The following SLCO3A1 variants were observed in gnomAD, a reference collection of about 807,000 sequenced individuals.
SLCO3A1 encodes PGE1 transporter.
SLCO3A1 carries 27 observed loss-of-function variants against 63.1 expected under a neutral mutation model. The observed-to-expected ratio is 0.43, with a 90% CI of 0.32 to 0.59. The LOEUF (loss-of-function observed/expected upper bound fraction) is 0.59, where lower values mean the gene tolerates loss of function less well. Ranked by LOEUF, SLCO3A1 falls within the 20% of genes least tolerant of loss-of-function variation. The pLI, the probability that SLCO3A1 is intolerant of heterozygous loss-of-function variation, is 0.09. For synonymous variants in SLCO3A1, 473 were observed against 409.9 expected, an observed-to-expected ratio of 1.15 and a Z score of -1.86; for missense variants, 773 against 945.8, an observed-to-expected ratio of 0.82 and a Z score of 2.40.
chr15:92,078,795 T>C (rs1670209054), intron 2 of SLCO3A1, among the ~76,000 whole-genome samples: 1 of 152,190 alleles, frequency 6.6e-6, no homozygotes, highest in African/African-American at 2.4e-5. Context: ...GACGATTAAA[T>C]GAGGTAGTAC....
chr15:91,901,902 C>A (rs921758416), intron 1 of SLCO3A1, among the ~76,000 whole-genome samples: 2 of 114,574 alleles, frequency 1.7e-5, no homozygotes, highest in African/African-American at 6.7e-5. Flanking sequence ...ATTATTTCTT[C>A]AATTTTTTTT....
chr15:91,854,086 C>A lies in SLCO3A1; in HGVS notation c.178C>A (p.Leu60Met). The change falls in exon 1 of 10, where the codon CTG becomes ATG. Residue 60 changes from leucine to methionine, a missense_variant and splice_region_variant. Around this residue, in one of 3 missense-constraint regions of SLCO3A1, gnomAD observed 565 missense variants for 749.8 expected, o/e 0.75. Transcript: ENST00000318445. The surrounding 1 kb of genome is among the most constrained non-coding windows in gnomAD (Gnocchi z 6.4). ...MLAQGTVGAY[L>M]VSVLTTLERR... ...GGCGCAGGGCACGGTGGGCGCCTAC[C>A]TGGTGAGTCCCCGAGCCAACTCCGC... 1 of 1,517,808 alleles carries A rather than the reference C, an allele frequency of 6.6e-7. No individual in the cohort carries two copies. The highest frequency in any genetic ancestry group is 8.9e-7 in the Non-Finnish European group (1 of 1,129,292). 94.0% of individuals were successfully genotyped at this position (1,517,808 alleles called of 1,614,324 possible). A position where few individuals can be genotyped will look rare whatever the true frequency, so the allele number is the denominator to read the frequency against.
intron 2 of SLCO3A1, among the ~76,000 whole-genome samples, chr15:92,019,252 G>A (rs1031921454): frequency 2.0e-5 from 3 of 152,124 alleles, no homozygotes; most frequent in African/African-American, 7.2e-5. Flanking sequence ...TACCAGCTCT[G>A]TGACCCTGGG....
intron 4 of SLCO3A1, among the ~76,000 whole-genome samples, chr15:92,112,068 AG>A (rs1167024920): frequency 6.6e-6 from 1 of 152,214 alleles, no homozygotes; most frequent in Admixed American, 6.5e-5. Context: ...GGATGAACTG[AG>A]GACCAGAGAG....
chr15:91,933,581 G>A (rs1356032586), intron 2 of SLCO3A1, among the ~76,000 whole-genome samples: 1 of 152,188 alleles, frequency 6.6e-6, no homozygotes, highest in Non-Finnish European at 1.5e-5. Context: ...ATAACAAGCA[G>A]TACATAGAGA....
intron 1 of SLCO3A1, among the ~76,000 whole-genome samples, chr15:91,879,375 G>A (rs561197331): frequency 6.6e-6 from 1 of 151,542 alleles, no homozygotes; most frequent in Admixed American, 6.6e-5. Context: ...AAACAGTGAT[G>A]TCATTGGTGG....
Position 92,094,947 on chromosome 15 carries a change from A to G in SLCO3A1, c.713A>G (p.Lys238Arg). 2 of 1,613,320 alleles carry G rather than the reference A, an allele frequency of 1.2e-6. No individual in the cohort carries two copies. The highest frequency in any genetic ancestry group is 1.7e-6 in the Non-Finnish European group (2 of 1,179,236). The change falls in exon 3 of 10, where the codon AAA (lysine) becomes AGA (arginine). Residue 238 changes from lysine (K) to arginine (R), a missense_variant. By Grantham distance (26) the Lys-to-Arg change is conservative. Coordinates refer to ENST00000318445, the MANE Select transcript of SLCO3A1 (RefSeq NM_013272.4). Reference sequence around the variant, plus strand: ...TTTATCCTGGGCTCTTTCTGTACCAAAATCTACGTGGATGCGGTCTTCATT... The same window carrying G: ...TTTATCCTGGGCTCTTTCTGTACCAGAATCTACGTGGATGCGGTCTTCATT... ...CGFILGSFCT[K>R]IYVDAVFIDT... is the part of the protein sequence containing the mutation.
intron 1 of SLCO3A1, chr15:91,889,154 T>C (rs780648278): frequency 1.8e-5 from 23 of 1,285,386 alleles, no homozygotes; most frequent in Non-Finnish European, 2.2e-5. Context: ...TAAACTCTTA[T>C]TGTTCCTTGA....
intron 9 of SLCO3A1, chr15:92,153,501 C>T (rs986191036): frequency 6.6e-6 from 1 of 152,158 alleles, no homozygotes; most frequent in Admixed American, 6.5e-5. Context: ...TTGCAGGACC[C>T]AGTAAGATTA....
intron 2 of SLCO3A1, among the ~76,000 whole-genome samples, chr15:92,090,594 G>C (rs1015794456): frequency 1.1e-4 from 17 of 152,160 alleles, no homozygotes; most frequent in Admixed American, 2.6e-4. Flanking sequence ...CAGTCAGTCT[G>C]GATGCTGATG....
Position 92,163,090 on chromosome 15 carries a change from C to T in SLCO3A1, c.2088C>T (p.Asn696=). 1 of 1,540,922 alleles carries T rather than the reference C, an allele frequency of 6.5e-7. No individual in the cohort carries two copies. Among genetic ancestry groups the T allele is most frequent in the Non-Finnish European group, 8.7e-7 (1 of 1,145,904 alleles). The change falls in exon 10 of 10, where the codon AAC becomes AAT. Residue 696 remains asparagine (N), a synonymous_variant. Coordinates refer to ENST00000318445, the MANE Select transcript of SLCO3A1 (RefSeq NM_013272.4). ...CACATAGGACAAAGTTTATCTATAA[C>T]CTGGAAGACCATGAGTGGTGTGAAA... ...NQTHRTKFIY[N]LEDHEWCENM...
At chr15:92,086,723 C>A (rs2047408971) in intron 2 of SLCO3A1, among the ~76,000 whole-genome samples, 1 of 152,092 alleles carries the variant, frequency 6.6e-6, no homozygotes, top group African/African-American at 2.4e-5. Flanking sequence ...TGCCTGTAAT[C>A]CTAGCACTTT....
At chr15:92,083,662 A>T (rs1176770586) in intron 2 of SLCO3A1, among the ~76,000 whole-genome samples, 1 of 152,218 alleles carries the variant, frequency 6.6e-6, no homozygotes, top group East Asian at 1.9e-4. Flanking sequence ...AAAATTACTC[A>T]TAAGAAATAA....
intron 7 of SLCO3A1, among the ~76,000 whole-genome samples, chr15:92,145,463 G>A (rs144211959): frequency 3.9e-5 from 6 of 152,242 alleles, no homozygotes; most frequent in Non-Finnish European, 8.8e-5. Context: ...AAGATGCTAG[G>A]GAAAGAATGC....
intron 2 of SLCO3A1, among the ~76,000 whole-genome samples, chr15:92,074,509 T>A (rs2047253281): frequency 6.6e-6 from 1 of 152,222 alleles, no homozygotes; most frequent in African/African-American, 2.4e-5. Context: ...CACCAGGTGA[T>A]CTGCCCAGGT....
chr15:92,025,389 G>A (rs2046560326), intron 2 of SLCO3A1, among the ~76,000 whole-genome samples: 1 of 152,052 alleles, frequency 6.6e-6, no homozygotes, highest in South Asian at 2.1e-4. Context: ...AATGTATGGG[G>A]GACACCATAG....
chr15:92,049,336 C>T (rs1250347146), intron 2 of SLCO3A1, among the ~76,000 whole-genome samples: 2 of 152,180 alleles, frequency 1.3e-5, no homozygotes, highest in Non-Finnish European at 2.9e-5. Context: ...GTGATTGGCT[C>T]AGCTCGGGTG....
At chr15:91,976,568 A>C (rs988819596) in intron 2 of SLCO3A1, among the ~76,000 whole-genome samples, 1 of 151,950 alleles carries the variant, frequency 6.6e-6, no homozygotes, top group African/African-American at 2.4e-5. Context: ...AGTAGCCTCA[A>C]CTCTATCGGG....
At chr15:92,073,666 C>A (rs1056321196) in intron 2 of SLCO3A1, among the ~76,000 whole-genome samples, 1 of 152,220 alleles carries the variant, frequency 6.6e-6, no homozygotes, top group Non-Finnish European at 1.5e-5. Context: ...TTCTCAACTC[C>A]ATCTCATCTA....
Sources: allele counts gnomAD v4.1 joint callset (sites outside exome capture counted in the v4.1 genomes callset), GRCh38; gene constraint gnomAD v4.1.1; regional missense constraint gnomAD v4.1.1; non-coding constraint Gnocchi (gnomAD v3.1); transcripts MANE v1.5; gene names NCBI Gene and HGNC (gene_info 2026-07-23, HGNC 2026-07-21).